NDST4: variants seen among roughly 807,000 people sequenced by gnomAD.
NDST4 encodes N-deacetylase and N-sulfotransferase 4, also known as N-heparan sulfate sulfotransferase 4.
In NDST4, 63 loss-of-function variants were observed where a neutral mutation model predicts 100.8. The ratio of observed to expected loss-of-function variants is 0.62; its 90% CI spans 0.51 to 0.77. NDST4 has a LOEUF of 0.77. Ranked by LOEUF, NDST4 falls within the 30% of genes least tolerant of loss-of-function variation. The pLI is 0.00. For synonymous variants in NDST4, 377 were observed against 361.8 expected (o/e 1.04, Z -0.48); for missense variants, 943 against 1,018.4 (o/e 0.93, Z 1.01).
chr4:114,893,538 GTCT>G (rs1468541227), intron 6 of NDST4, among the ~76,000 whole-genome samples: 1 of 151,152 alleles, frequency 6.6e-6, no homozygotes, highest in Non-Finnish European at 1.5e-5. Context: ...CTGCATAAAT[GTCT>G]TCTTTTGAGA....
At chr4:114,963,275 T>C (rs1056374402) in intron 4 of NDST4, among the ~76,000 whole-genome samples, 1 of 152,154 alleles carries the variant, frequency 6.6e-6, no homozygotes, top group African/African-American at 2.4e-5. Context: ...TACTGATATA[T>C]GTTACAATGT....
At chr4:115,037,219 T>C (rs1178052963) in intron 2 of NDST4, among the ~76,000 whole-genome samples, 1 of 152,054 alleles carries the variant, frequency 6.6e-6, no homozygotes, top group African/African-American at 2.4e-5. Context: ...TGCAGTCTGG[T>C]GAACATTGGT....
At chr4:114,859,763 C>T (rs1323043185) in intron 7 of NDST4, among the ~76,000 whole-genome samples, 3 of 152,204 alleles carry the variant, frequency 2.0e-5, no homozygotes, top group African/African-American at 7.2e-5. Flanking sequence ...GTGACTAGTT[C>T]TCTCCCTGCA....
intron 1 of NDST4, among the ~76,000 whole-genome samples, chr4:115,104,512 T>G (rs560778214): frequency 6.6e-6 from 1 of 152,232 alleles, no homozygotes; most frequent in African/African-American, 2.4e-5. Flanking sequence ...AATCTTTGTC[T>G]TTGTCTTCTT....
chr4:114,869,045 CT>C (rs1348213404), intron 7 of NDST4, among the ~76,000 whole-genome samples: 3 of 150,822 alleles, frequency 2.0e-5, no homozygotes, highest in Non-Finnish European at 4.4e-5. Flanking sequence ...ATTTATACCC[CT>C]AATCCACCAG....
chr4:115,064,911 A>G (rs2126285021), intron 2 of NDST4, among the ~76,000 whole-genome samples: 1 of 152,268 alleles, frequency 6.6e-6, no homozygotes, highest in Non-Finnish European at 1.5e-5. Context: ...TTATTGTTTC[A>G]GAAGACAAAT....
intron 1 of NDST4, among the ~76,000 whole-genome samples, chr4:115,110,362 G>T (rs1322360073): frequency 6.6e-6 from 1 of 151,960 alleles, no homozygotes; most frequent in Non-Finnish European, 1.5e-5. Context: ...CGGTAGCATT[G>T]TGTCTGACAC....
intron 10 of NDST4, among the ~76,000 whole-genome samples, chr4:114,841,830 G>A (rs1260136425): frequency 6.6e-6 from 1 of 152,098 alleles, no homozygotes; most frequent in Non-Finnish European, 1.5e-5. Context: ...TATAAATTTT[G>A]CTTCCAATCT....
intron 4 of NDST4, among the ~76,000 whole-genome samples, chr4:114,938,745 A>T (rs1201756234): frequency 6.6e-6 from 1 of 152,134 alleles, no homozygotes; most frequent in Non-Finnish European, 1.5e-5. Flanking sequence ...CAGAAGATGA[A>T]CCCTAAATTT....
At chr4:115,074,090 G>T (rs920222925) in intron 2 of NDST4, among the ~76,000 whole-genome samples, 1 of 151,732 alleles carries the variant, frequency 6.6e-6, no homozygotes, top group Non-Finnish European at 1.5e-5. Flanking sequence ...CTATCCATAT[G>T]AACACATACT....
At position 114,829,818 on chromosome 4, in the gene NDST4, C is replaced by T. The variant is rs199706200; in HGVS notation, c.2471G>A (p.Gly824Asp). 1 of 1,611,242 alleles carries T rather than the reference C, an allele frequency of 6.2e-7. No homozygotes were observed. The highest frequency in any genetic ancestry group is 1.3e-5 in the African/African-American group (1 of 74,902). ...GKTKCLGKSK[G>D]RKYPPMDPES... ...TGGATCCATAGGTGGATATTTTCGG[C>T]CTTTGCTTTTTCCAAGGCATTTTGT... Residue 824 changes from glycine to aspartate, a missense_variant, in exon 13 of 14, where the codon GGC becomes GAC. Around this residue, in one of 2 missense-constraint regions of NDST4, gnomAD observed 526 missense variants for 634.1 expected, o/e 0.83. Transcript: ENST00000264363.
At chr4:114,875,804 G>A (rs568713458) in intron 6 of NDST4, among the ~76,000 whole-genome samples, 1 of 152,126 alleles carries the variant, frequency 6.6e-6, no homozygotes, top group Non-Finnish European at 1.5e-5. Flanking sequence ...TACTCTCCAG[G>A]TTGAGTCAGA....
chr4:114,876,808 A>G (rs1374707644), intron 6 of NDST4, among the ~76,000 whole-genome samples: 1 of 152,172 alleles, frequency 6.6e-6, no homozygotes, highest in Non-Finnish European at 1.5e-5. Flanking sequence ...ATTGATTGTA[A>G]CATATTATTT....
chr4:115,049,658 G>A (rs1489070132), intron 2 of NDST4, among the ~76,000 whole-genome samples: 2 of 152,168 alleles, frequency 1.3e-5, no homozygotes, highest in African/African-American at 4.8e-5. Flanking sequence ...CCCTGTGAGA[G>A]AAGGGCAATG....
At chr4:114,996,921 T>G (rs1727177972) in intron 2 of NDST4, among the ~76,000 whole-genome samples, 1 of 152,106 alleles carries the variant, frequency 6.6e-6, no homozygotes, top group African/African-American at 2.4e-5. Context: ...ATCTACTTAC[T>G]TTTACTCAAA....
At chr4:115,018,428 T>A (rs1473328848) in intron 2 of NDST4, among the ~76,000 whole-genome samples, 1 of 151,978 alleles carries the variant, frequency 6.6e-6, no homozygotes, top group African/African-American at 2.4e-5. Flanking sequence ...CTTAATAATA[T>A]GTATTTTAAT....
intron 10 of NDST4, 31 bp from the exon 11 acceptor site, chr4:114,839,579 AT>A (rs544904108): frequency 1.0e-5 from 16 of 1,605,028 alleles, no homozygotes; most frequent in African/African-American, 2.7e-5. Context: ...GTAAAGTTAG[AT>A]TTTTTTTAAT....
intron 1 of NDST4, among the ~76,000 whole-genome samples, chr4:115,106,027 G>T (rs1012307221): frequency 1.3e-5 from 2 of 152,042 alleles, no homozygotes; most frequent in Non-Finnish European, 1.5e-5. Context: ...AAGCATTTCT[G>T]CCATCAAAAA....
At chr4:115,083,291 A>G (rs1233030872) in intron 1 of NDST4, among the ~76,000 whole-genome samples, 2 of 152,036 alleles carry the variant, frequency 1.3e-5, no homozygotes, top group Non-Finnish European at 2.9e-5. Context: ...TCTCAACACA[A>G]AAGAAAAAAG....
Sources: gnomAD v4.1 joint callset for allele counts (sites outside exome capture counted in the v4.1 genomes callset) on GRCh38, gnomAD v4.1.1 for gene constraint, gnomAD v4.1.1 regional missense constraint, MANE v1.5 for transcripts, NCBI Gene and HGNC (gene_info 2026-07-23, HGNC 2026-07-21) for gene names.